Variants in FTO observed in about 807,000 individuals in gnomAD.
FTO encodes alpha-ketoglutarate-dependent dioxygenase FTO.
In FTO, 47 loss-of-function variants were observed where a neutral mutation model predicts 63.9. The ratio of observed to expected loss-of-function variants is 0.74; its 90% CI spans 0.58 to 0.94. The LOEUF is 0.94. Ranked by LOEUF, FTO falls within the 40% of genes least tolerant of loss-of-function variation. FTO has a pLI of 0.00. For missense variants in FTO, 562 were observed against 618.1 expected (o/e 0.91, Z 0.96); for synonymous variants, 207 against 224.4 (o/e 0.92, Z 0.69).
chr16:53,944,705 GATA>G (rs1470692443), intron 8 of FTO, among the ~76,000 whole-genome samples: 3 of 152,144 alleles, frequency 2.0e-5, no homozygotes, highest in Admixed American at 6.6e-5. Flanking sequence ...CCTAGGGGAT[GATA>G]ATAATAGAAC....
chr16:53,853,748 CAT>C (rs2079888677), intron 4 of FTO, among the ~76,000 whole-genome samples: 1 of 152,054 alleles, frequency 6.6e-6, no homozygotes, highest in Middle Eastern at 3.2e-3. Flanking sequence ...TGGTTGATTC[CAT>C]ATCTTTGCAA....
intron 1 of FTO, among the ~76,000 whole-genome samples, chr16:53,802,912 C>T (rs185799173): frequency 6.0e-4 from 91 of 152,266 alleles, no homozygotes; most frequent in Middle Eastern, 3.4e-3. Context: ...ATTTCTGTTT[C>T]TCTACTTACC....
chr16:53,732,058 T>C (rs1388272494), intron 1 of FTO, among the ~76,000 whole-genome samples: 2 of 139,930 alleles, frequency 1.4e-5, no homozygotes, highest in South Asian at 4.7e-4. Context: ...TTTTTTTTTT[T>C]TTTTTTTTGA....
chr16:53,859,394 T>C (rs578162777), intron 4 of FTO, among the ~76,000 whole-genome samples: 149 of 152,082 alleles, frequency 9.8e-4, no homozygotes, highest in African/African-American at 3.4e-3. Context: ...TCTCTCCAAA[T>C]ATGTGGTAAG....
At chr16:54,030,986 AAATTTC>A (rs1450667491) in intron 8 of FTO, among the ~76,000 whole-genome samples, 15 of 152,222 alleles carry the variant, frequency 9.9e-5, no homozygotes, top group Non-Finnish European at 2.1e-4. Context: ...TTCAATTTAG[AAATTTC>A]AATGCAAAGG....
chr16:53,773,901 T>A (rs891330324), intron 1 of FTO, among the ~76,000 whole-genome samples: 7 of 152,146 alleles, frequency 4.6e-5, no homozygotes, highest in African/African-American at 1.7e-4. Context: ...ACTGTGAGTG[T>A]TGGAAGCGTG....
chr16:53,734,460 C>T (rs768278874), intron 1 of FTO, among the ~76,000 whole-genome samples: 4 of 152,212 alleles, frequency 2.6e-5, no homozygotes, highest in Non-Finnish European at 4.4e-5. Context: ...ATAGCGTTCA[C>T]CTGATTGCAG....
At chr16:53,840,616 T>C (rs1325097464) in intron 3 of FTO, among the ~76,000 whole-genome samples, 13 of 152,218 alleles carry the variant, frequency 8.5e-5, no homozygotes. Flanking sequence ...TTTATGTAAA[T>C]GAATGGGCAT....
intron 4 of FTO, among the ~76,000 whole-genome samples, chr16:53,869,889 T>A (rs1318031011): frequency 3.3e-5 from 5 of 152,184 alleles, no homozygotes; most frequent in African/African-American, 1.2e-4. Flanking sequence ...TTTTTCAAAT[T>A]GTGTTTTTTT....
At chr16:53,883,957 A>G (rs770405492) in intron 6 of FTO, among the ~76,000 whole-genome samples, 3 of 152,162 alleles carry the variant, frequency 2.0e-5, no homozygotes, top group Non-Finnish European at 4.4e-5. Context: ...CTGTTGTTCA[A>G]TGAAAGCCCA....
At chr16:53,937,452 A>C in intron 8 of FTO, 2 of 392,894 alleles carry the variant, frequency 5.1e-6, no homozygotes, top group Non-Finnish European at 9.0e-6. Context: ...GTCAGTCTGC[A>C]GCTAATAAAC....
intron 1 of FTO, among the ~76,000 whole-genome samples, chr16:53,716,350 A>G (rs2075895021): frequency 6.6e-6 from 1 of 152,194 alleles, no homozygotes; most frequent in African/African-American, 2.4e-5. Context: ...ATGTTCTGGC[A>G]TTTATGTATA....
intron 7 of FTO, among the ~76,000 whole-genome samples, chr16:53,907,843 C>T (rs1239071116): frequency 2.0e-5 from 3 of 152,180 alleles, no homozygotes; most frequent in Non-Finnish European, 4.4e-5. Flanking sequence ...ACTCCTTCCT[C>T]AGTCCAGACT....
chr16:53,944,084 C>A (rs1349800725), intron 8 of FTO, among the ~76,000 whole-genome samples: 1 of 152,114 alleles, frequency 6.6e-6, no homozygotes, highest in East Asian at 1.9e-4. Context: ...TTCATAAATG[C>A]TGGGTTTTGT....
intron 1 of FTO, among the ~76,000 whole-genome samples, chr16:53,729,784 C>G (rs2076233465): frequency 6.6e-6 from 1 of 152,000 alleles, no homozygotes; most frequent in Non-Finnish European, 1.5e-5. Context: ...TCATTGGCAC[C>G]TAGAGAATGA....
chr16:54,050,527 G>A (rs1395750417), intron 8 of FTO, among the ~76,000 whole-genome samples: 1 of 152,106 alleles, frequency 6.6e-6, no homozygotes, highest in Non-Finnish European at 1.5e-5. Flanking sequence ...AGCTGCTTTG[G>A]GTGAAAGATT....
At chr16:53,736,198 A>G (rs1473298904) in intron 1 of FTO, among the ~76,000 whole-genome samples, 1 of 152,180 alleles carries the variant, frequency 6.6e-6, no homozygotes, top group Non-Finnish European at 1.5e-5. Context: ...TGTCCTCTGC[A>G]TTGTACTGAG....
In FTO at chr16:53,909,532, C is replaced by CTT. The variant is rs58121446; in HGVS notation, c.1239+20610_1239+20611dup. Among the ~76,000 whole-genome samples the CTT allele has an allele frequency of 3.6e-3, 254 of 71,182 alleles. 12 individuals are homozygous for CTT. Among genetic ancestry groups the CTT allele is most frequent in the African/African-American group, 0.011 (160 of 14,544 alleles). 46.7% of individuals were successfully genotyped at this position (71,182 alleles called of 152,430 possible). On this transcript the variant is annotated intron_variant, in intron 7 of 8. Coordinates refer to ENST00000471389, the MANE Select transcript of FTO (RefSeq NM_001080432.3). ...GAAAAAGAGGGACAGAGAGCCCCGCCTTTTTTTTTTTTTTTTTTTTTTTTT... is the reference window on the plus strand; with the variant it reads ...GAAAAAGAGGGACAGAGAGCCCCGCCTTTTTTTTTTTTTTTTTTTTTTTTTTT...
At chr16:53,713,328 G>A (rs2075820534) in intron 1 of FTO, among the ~76,000 whole-genome samples, 1 of 152,078 alleles carries the variant, frequency 6.6e-6, no homozygotes, top group African/African-American at 2.4e-5. Context: ...GTTTATTATG[G>A]CAGTTTTCTT....
Sources: allele counts gnomAD v4.1 joint callset (sites outside exome capture counted in the v4.1 genomes callset), GRCh38; gene constraint gnomAD v4.1.1; transcripts MANE v1.5; gene names NCBI Gene and HGNC (gene_info 2026-07-23, HGNC 2026-07-21).